The following VTI1A variants were observed in gnomAD, a reference collection of about 807,000 sequenced individuals.
VTI1A encodes vesicle transport through interaction with t-SNAREs homolog 1A.
A neutral mutation model predicts 34.9 loss-of-function variants in VTI1A; 22 were observed. That is an observed-to-expected ratio of 0.63 (90% CI 0.45 to 0.90). VTI1A has a LOEUF of 0.90. Among genes scored for constraint, VTI1A ranks in the 40% least tolerant of loss-of-function variants. The probability of loss-of-function intolerance (pLI) is 0.00; values close to 1 mark genes in which losing one functional copy is unlikely to be tolerated. For synonymous variants in VTI1A, 87 were observed against 97.3 expected, an observed-to-expected ratio of 0.89 and a Z score of 0.62; for missense variants, 268 against 275.6, an observed-to-expected ratio of 0.97 and a Z score of 0.20.
chr10:112,639,475 A>G lies in VTI1A; in HGVS notation c.428-28743A>G, dbSNP rs1043958121. On this transcript the variant is annotated intron_variant, in intron 5 of 7. Coordinates refer to ENST00000393077, the MANE Select transcript of VTI1A (RefSeq NM_145206.4). ...TTTGTATTTCTCTCCTCATGTTAAC[A>G]TCATCATTTTGGCATACTCAGACCT... Among the ~76,000 whole-genome samples the G allele has an allele frequency of 3.3e-5, 5 of 152,176 alleles. No homozygotes were observed. The South Asian group carries it at 6.2e-4, about 19-fold the overall frequency.
intron 7 of VTI1A, among the ~76,000 whole-genome samples, chr10:112,787,532 C>CAGAAGGA (rs1852324481): frequency 1.3e-5 from 2 of 152,014 alleles, no homozygotes; most frequent in Non-Finnish European, 2.9e-5. Context: ...TCTCTAAGCT[C>CAGAAGGA]TGCTTAAATT....
intron 5 of VTI1A, chr10:112,548,660 G>C: frequency 8.8e-7 from 1 of 1,139,174 alleles, no homozygotes; most frequent in Admixed American, 1.7e-5. Context: ...GGAAGACTTG[G>C]TGACTTTGCC....
At chr10:112,489,972 C>T (rs139189709) in intron 3 of VTI1A, among the ~76,000 whole-genome samples, 4 of 152,140 alleles carry the variant, frequency 2.6e-5, no homozygotes, top group Admixed American at 2.6e-4. Context: ...GCTGAGCCAC[C>T]ATTCTAACGT....
At chr10:112,617,596 T>C (rs1243106583) in intron 5 of VTI1A, among the ~76,000 whole-genome samples, 1 of 152,094 alleles carries the variant, frequency 6.6e-6, no homozygotes, top group Non-Finnish European at 1.5e-5. Flanking sequence ...TATTGGAAGT[T>C]AGGAGGTGAG....
intron 7 of VTI1A, among the ~76,000 whole-genome samples, chr10:112,703,705 C>T (rs1204053225): frequency 1.3e-5 from 2 of 152,112 alleles, no homozygotes; most frequent in Admixed American, 6.6e-5. Context: ...ATATTATTTA[C>T]ATCACACCAA....
At chr10:112,757,877 G>A (rs2134002887) in intron 7 of VTI1A, among the ~76,000 whole-genome samples, 1 of 152,204 alleles carries the variant, frequency 6.6e-6, no homozygotes, top group South Asian at 2.1e-4. Context: ...CATGCAAATA[G>A]AATTGTTGTT....
the VTI1A span, chr10:112,825,880 G>A: frequency 1.6e-4 from 25 of 152,144 alleles, no homozygotes; most frequent in Admixed American, 3.9e-4. Context: ...TCAATATTCG[G>A]ATATTTCCAG....
chr10:112,796,778 A>G (rs1338539788), intron 7 of VTI1A, among the ~76,000 whole-genome samples: 2 of 152,180 alleles, frequency 1.3e-5, no homozygotes, highest in Non-Finnish European at 2.9e-5. Context: ...AGCTAATTTG[A>G]TAGTTCTCTA....
intron 7 of VTI1A, among the ~76,000 whole-genome samples, chr10:112,814,927 T>TTGA (rs1031314797): frequency 6.6e-6 from 1 of 152,130 alleles, no homozygotes; most frequent in African/African-American, 2.4e-5. Context: ...ATGAGGCTTG[T>TTGA]CTCGCCTTTT....
At chr10:112,791,634 A>G (rs1407948902) in intron 7 of VTI1A, among the ~76,000 whole-genome samples, 1 of 152,140 alleles carries the variant, frequency 6.6e-6, no homozygotes, top group Admixed American at 6.5e-5. Flanking sequence ...CAAATAAAAA[A>G]TTTATGACAG....
chr10:112,743,403 A>G (rs566599184), intron 7 of VTI1A, among the ~76,000 whole-genome samples: 4 of 152,226 alleles, frequency 2.6e-5, no homozygotes, highest in Non-Finnish European at 5.9e-5. Context: ...GGTACTCGTA[A>G]CAAAAGGATT....
At chr10:112,722,846 A>C (rs866837785) in intron 7 of VTI1A, among the ~76,000 whole-genome samples, 1 of 152,048 alleles carries the variant, frequency 6.6e-6, no homozygotes, top group Non-Finnish European at 1.5e-5. Context: ...TAATCAGTCT[A>C]CTCTGAGCAT....
rs758848681 is a variant in VTI1A at position 112,815,301 on chromosome 10, A to G, written c.572A>G (p.Asn191Ser). The G allele has an allele frequency of 6.2e-7, 1 of 1,613,362 alleles. No individual in the cohort carries two copies. Among genetic ancestry groups the G allele is most frequent in the Non-Finnish European group, 8.5e-7 (1 of 1,179,806 alleles). Residue 191 changes from asparagine (N) to serine (S), a missense_variant, in exon 8 of 8, where the codon AAC becomes AGC. Physicochemically the swap from Asn to Ser is conservative, Grantham distance 46. Transcript: ENST00000393077. ...LTGMLRRIIQ[N>S]RILLVILGII... ...TTGCTGTCTCCTAGAATCATCCAGAACCGCATCCTGCTCGTCATCCTAGGG... is the reference window on the plus strand; with the variant it reads ...TTGCTGTCTCCTAGAATCATCCAGAGCCGCATCCTGCTCGTCATCCTAGGG...
chr10:112,759,995 A>G (rs113966464), intron 7 of VTI1A, among the ~76,000 whole-genome samples: 1 of 152,246 alleles, frequency 6.6e-6, no homozygotes, highest in African/African-American at 2.4e-5. Context: ...ATCAATTCCC[A>G]ATGGGGAATA....
the VTI1A span, among the ~76,000 whole-genome samples, chr10:112,830,430 A>G: frequency 6.6e-6 from 1 of 150,766 alleles, no homozygotes; most frequent in Non-Finnish European, 1.5e-5. Flanking sequence ...CTCCTTGGCT[A>G]GCTCTTTCTA....
intron 7 of VTI1A, among the ~76,000 whole-genome samples, chr10:112,690,036 G>T (rs1042402540): frequency 1.3e-5 from 2 of 152,016 alleles, no homozygotes; most frequent in Non-Finnish European, 2.9e-5. Context: ...TTTTGTATAT[G>T]ACTTCTTTCA....
chr10:112,610,015 G>GA lies in VTI1A; in HGVS notation c.428-58194dup, dbSNP rs113760939. 9.7e-4 allele frequency among the ~76,000 whole-genome samples: 143 copies of GA among 147,942 alleles called. 1 individual carries two copies. Among genetic ancestry groups the GA allele is most frequent in the African/African-American group, 2.9e-3 (117 of 40,250 alleles). On this transcript the variant is annotated intron_variant, in intron 5 of 7. Coordinates refer to ENST00000393077, the MANE Select transcript of VTI1A (RefSeq NM_145206.4). ...CTGGCTTTCAAGTACAATATTTGCA[G>GA]AAAAAAAAATGTGGTAAACACATAG...
rs535899441 is a variant in VTI1A, at chr10:112,489,414, T to G, written c.264+24757T>G. On this transcript the variant is annotated intron_variant, in intron 3 of 7. Coordinates refer to ENST00000393077, the MANE Select transcript of VTI1A (RefSeq NM_145206.4). ...TTCCCCCAACCCCCCATTCTTTGTG[T>G]ACTGCCAAACAGAATGTTTGTTTAA... Among the ~76,000 whole-genome samples the G allele has an allele frequency of 3.9e-5, 6 of 152,338 alleles. No individual in the cohort carries two copies. In the South Asian group the frequency reaches 1.0e-3, roughly 26 times the overall value.
intron 5 of VTI1A, among the ~76,000 whole-genome samples, chr10:112,654,542 G>A (rs1847156917): frequency 6.6e-6 from 1 of 151,712 alleles, no homozygotes; most frequent in Admixed American, 6.6e-5. Flanking sequence ...ACCGAGGCTG[G>A]AGTGCATTGG....
Sources: allele counts gnomAD v4.1 joint callset (sites outside exome capture counted in the v4.1 genomes callset), GRCh38; gene constraint gnomAD v4.1.1; transcripts MANE v1.5; gene names NCBI Gene and HGNC (gene_info 2026-07-23, HGNC 2026-07-21).